LARGE1: variants seen among roughly 807,000 people sequenced by gnomAD.
The protein encoded by LARGE1 is LARGE xylosyl- and glucuronyltransferase 1.
LARGE1 carries 43 observed loss-of-function variants against 87.6 expected under a neutral mutation model. The ratio of observed to expected loss-of-function variants is 0.49; its 90% confidence interval spans 0.38 to 0.63. LARGE1 has a LOEUF of 0.63. LARGE1 is among the 30% of genes least tolerant of loss of function. The probability of loss-of-function intolerance (pLI) is 0.00; values close to 1 mark genes in which losing one functional copy is unlikely to be tolerated. For synonymous variants in LARGE1, 434 were observed against 394.6 expected (o/e 1.10, Z -1.18); for missense variants, 802 against 1,000.2 (o/e 0.80, Z 2.67).
chr22:33,831,639 A>G (rs2062972906), intron 1 of LARGE1, among the ~76,000 whole-genome samples: 1 of 152,190 alleles, frequency 6.6e-6, no homozygotes, highest in South Asian at 2.1e-4. Context: ...GTTTTTAAAA[A>G]AAGATAACTG....
intron 5 of LARGE1, among the ~76,000 whole-genome samples, chr22:33,599,006 C>G (rs1057127240): frequency 6.6e-6 from 1 of 152,172 alleles, no homozygotes; most frequent in Non-Finnish European, 1.5e-5. Context: ...TAGACCACAG[C>G]CTGTGGGATC....
intron 7 of LARGE1, among the ~76,000 whole-genome samples, chr22:33,423,550 T>G (rs1044188039): frequency 6.6e-6 from 1 of 151,434 alleles, no homozygotes; most frequent in African/African-American, 2.4e-5. Flanking sequence ...CATGGTGGTG[T>G]GCGCCTGTAA....
intron 7 of LARGE1, among the ~76,000 whole-genome samples, chr22:33,418,170 A>G (rs1601769224): frequency 6.6e-6 from 1 of 152,060 alleles, no homozygotes; most frequent in Admixed American, 6.6e-5. Flanking sequence ...GATGGTCTCA[A>G]TCTCCTGACC....
intron 6 of LARGE1, among the ~76,000 whole-genome samples, chr22:33,464,600 C>T (rs749817565): frequency 7.9e-5 from 12 of 152,124 alleles, no homozygotes; most frequent in African/African-American, 2.9e-4. Flanking sequence ...CCAGCCAATG[C>T]ACATACCTAA....
At chr22:33,883,817 G>T (rs890098654) in intron 1 of LARGE1, among the ~76,000 whole-genome samples, 1 of 151,954 alleles carries the variant, frequency 6.6e-6, no homozygotes, top group East Asian at 1.9e-4. Context: ...CCTTAAAACC[G>T]CAAACCCTAA....
chr22:33,303,536 T>C (rs1003976791), intron 12 of LARGE1, among the ~76,000 whole-genome samples: 1 of 152,216 alleles, frequency 6.6e-6, no homozygotes, highest in Admixed American at 6.5e-5. Context: ...CTTAGATTTG[T>C]TTAAAAGACT....
At chr22:33,748,024 C>CAA (rs535230421) in intron 2 of LARGE1, among the ~76,000 whole-genome samples, 718 of 21,716 alleles carry the variant, frequency 0.033, 177 homozygotes, top group African/African-American at 0.039. Context: ...TCTGCTGGAG[C>CAA]AAAAAAAAAA....
At chr22:33,441,057 C>T (rs1042748128) in intron 6 of LARGE1, among the ~76,000 whole-genome samples, 1 of 131,468 alleles carries the variant, frequency 7.6e-6, no homozygotes, top group Admixed American at 7.7e-5. Context: ...TCAGCTGCTG[C>T]TATTTTGTTT....
intron 1 of LARGE1, among the ~76,000 whole-genome samples, chr22:33,815,853 G>A (rs758264613): frequency 6.6e-6 from 1 of 152,130 alleles, no homozygotes; most frequent in Non-Finnish European, 1.5e-5. Flanking sequence ...GGGTTTGTGG[G>A]GAGAGTAAAA....
chr22:33,229,296 T>C (rs1284410545), intron 11 of LARGE1, among the ~76,000 whole-genome samples: 3 of 151,978 alleles, frequency 2.0e-5, no homozygotes, highest in Non-Finnish European at 4.4e-5. Context: ...CATAATAAAT[T>C]ATAATGAAGG....
chr22:33,292,276 GA>G (rs1464660666), intron 12 of LARGE1, among the ~76,000 whole-genome samples: 1 of 152,050 alleles, frequency 6.6e-6, no homozygotes, highest in Non-Finnish European at 1.5e-5. Context: ...ACCACAAAAC[GA>G]ACTAGGACAT....
At chr22:33,520,737 TC>T (rs1332385536) in intron 6 of LARGE1, among the ~76,000 whole-genome samples, 2 of 152,316 alleles carry the variant, frequency 1.3e-5, no homozygotes, top group African/African-American at 4.8e-5. Flanking sequence ...TTCATGGGAT[TC>T]CGTGCAAAAC....
chr22:33,810,104 G>A (rs1020373823), intron 1 of LARGE1, among the ~76,000 whole-genome samples: 1 of 152,124 alleles, frequency 6.6e-6, no homozygotes, highest in Non-Finnish European at 1.5e-5. Context: ...CATGGGGGAT[G>A]GGAAGAGAAC....
chr22:33,217,054 C>T (rs1925239794), intron 11 of LARGE1, among the ~76,000 whole-genome samples: 1 of 152,132 alleles, frequency 6.6e-6, no homozygotes, highest in South Asian at 2.1e-4. Context: ...AATGGGGACT[C>T]TTTCATGAAG....
chr22:33,239,375 T>TTTG (rs761978146), intron 11 of LARGE1, among the ~76,000 whole-genome samples: 6 of 152,196 alleles, frequency 3.9e-5, no homozygotes, highest in East Asian at 1.9e-4. Flanking sequence ...TCAACAGATT[T>TTTG]TTGTTGTTGT....
At chr22:33,787,986 G>A (rs1417979990) in intron 1 of LARGE1, among the ~76,000 whole-genome samples, 2 of 152,208 alleles carry the variant, frequency 1.3e-5, no homozygotes, top group Admixed American at 6.5e-5. Context: ...GAGGATGACA[G>A]AGTTCATGAA....
chr22:33,561,331 G>A (rs1225987519), intron 6 of LARGE1, among the ~76,000 whole-genome samples: 1 of 152,218 alleles, frequency 6.6e-6, no homozygotes, highest in African/African-American at 2.4e-5. Flanking sequence ...AGAGGACAAG[G>A]TCAGGCTCCC....
chr22:33,322,014 T>G (rs1336810678), intron 10 of LARGE1, among the ~76,000 whole-genome samples: 2 of 152,152 alleles, frequency 1.3e-5, no homozygotes, highest in East Asian at 3.8e-4. Flanking sequence ...AGACAGAGTT[T>G]CACCATGTTG....
At chr22:33,529,336 T>A (rs144086909) in intron 6 of LARGE1, among the ~76,000 whole-genome samples, 223 of 152,306 alleles carry the variant, frequency 1.5e-3, no homozygotes, top group Admixed American at 4.2e-3. Context: ...AACATAGTTG[T>A]GACTGGGGTG....
Sources: gnomAD v4.1 joint callset for allele counts (sites outside exome capture counted in the v4.1 genomes callset) on GRCh38, gnomAD v4.1.1 for gene constraint, MANE v1.5 for transcripts, NCBI Gene and HGNC (gene_info 2026-07-23, HGNC 2026-07-21) for gene names.